Variants in TMED5 observed in about 807,000 individuals in gnomAD.
The protein encoded by TMED5 is transmembrane p24 trafficking protein 5, also known as transmembrane emp24 domain-containing protein 5.
TMED5 carries 27 observed loss-of-function variants against 23.0 expected under a neutral mutation model. The observed-to-expected ratio is 1.17, with a 90% CI of 0.86 to 1.62. The LOEUF (loss-of-function observed/expected upper bound fraction) is 1.62, where lower values mean the gene tolerates loss of function less well. Ranked by LOEUF, TMED5 falls within the 40% of genes most tolerant of loss-of-function variation. The pLI is 0.00. For synonymous variants in TMED5, 97 were observed against 100.8 expected, an observed-to-expected ratio of 0.96 and a Z score of 0.23; for missense variants, 248 against 273.7, an observed-to-expected ratio of 0.91 and a Z score of 0.66.
chr1:93,160,258 A>G, intron 1 of TMED5, 32 bp from the exon 2 acceptor site: 4 of 1,346,460 alleles, frequency 3.0e-6, no homozygotes, highest in Middle Eastern at 2.2e-4. Flanking sequence ...AAAAACATAT[A>G]TTACAAATTC....
At chr1:93,157,313 T>G (rs1247795086) in intron 2 of TMED5, among the ~76,000 whole-genome samples, 1 of 152,220 alleles carries the variant, frequency 6.6e-6, no homozygotes, top group African/African-American at 2.4e-5. Context: ...AGTTTATATT[T>G]TATTATTTAA....
chr1:93,160,192 T>C lies in TMED5; in HGVS notation c.224A>G (p.His75Arg). The C allele has an allele frequency of 1.2e-6, 2 of 1,612,950 alleles. No homozygotes were observed. Among genetic ancestry groups the C allele is most frequent in the South Asian group, 1.1e-5 (1 of 91,026 alleles). Reference sequence around the variant, plus strand: ...GGTTTTGCCTTCTGGAGAGGCAAGATGGAAATCAATATCTAATCCTGCTCC... The same window carrying C: ...GGTTTTGCCTTCTGGAGAGGCAAGACGGAAATCAATATCTAATCCTGCTCC... ...LDGAGLDIDF[H>R]LASPEGKTLV... is the part of the protein sequence containing the mutation. The change falls in exon 2 of 4, where the codon CAT becomes CGT. Residue 75 changes from histidine (H) to arginine (R), a missense_variant. Physicochemically the swap from His to Arg is conservative, Grantham distance 29. Transcript: ENST00000370282.
intron 1 of TMED5, among the ~76,000 whole-genome samples, chr1:93,167,111 T>C (rs1245095239): frequency 6.6e-6 from 1 of 152,188 alleles, no homozygotes; most frequent in Non-Finnish European, 1.5e-5. Flanking sequence ...TTATGTTACA[T>C]TGGTCTATGT....
rs1647980166 is a variant in TMED5, at chr1:93,154,345, T to TG, written c.*324dup. Reference sequence around the variant, plus strand: ...GAACCTGTTAAAAACAGACTGGTGTTGCAATTAGGCCCAATACTCATTTAT... The same window carrying TG: ...GAACCTGTTAAAAACAGACTGGTGTTGGCAATTAGGCCCAATACTCATTTAT... On this transcript the variant is annotated 3_prime_UTR_variant, in exon 4 of 4. Coordinates refer to ENST00000370282, the MANE Select transcript of TMED5 (RefSeq NM_016040.5). 1 of 224,316 alleles carries TG rather than the reference T, an allele frequency of 4.5e-6. No homozygotes were observed. The highest frequency in any genetic ancestry group is 5.6e-5 in the Admixed American group (1 of 17,962). 13.9% of individuals were successfully genotyped at this position (224,316 alleles called of 1,614,324 possible).
chr1:93,170,193 G>T (rs967726503), intron 1 of TMED5, among the ~76,000 whole-genome samples: 1 of 152,200 alleles, frequency 6.6e-6, no homozygotes, highest in African/African-American at 2.4e-5. Flanking sequence ...TCAGCCCGCC[G>T]CTGCACTGTG....
Position 93,150,953 on chromosome 1 carries a change from G to A in TMED5, c.*3717C>T, listed in dbSNP as rs561229498. ...TAAAACAGAAACAAAAACAACACAA[G>A]TACTAAAACGAGGGTTTTTGTTTGT... On this transcript the variant is annotated 3_prime_UTR_variant, in exon 4 of 4. Transcript: ENST00000370282. 6.6e-6 allele frequency: 1 copy of A among 152,252 alleles called. No individual in the cohort carries two copies. Among genetic ancestry groups the A allele is most frequent in the Admixed American group, 6.5e-5 (1 of 15,294 alleles). 9.4% of individuals were successfully genotyped at this position (152,252 alleles called of 1,614,324 possible).
At position 93,154,359 on chromosome 1, in the gene TMED5, A is replaced by G. The variant is rs1647980335; in HGVS notation, c.*311T>C. On this transcript the variant is annotated 3_prime_UTR_variant, in exon 4 of 4. Transcript: ENST00000370282. Reference sequence around the variant, plus strand: ...CAGACTGGTGTTGCAATTAGGCCCAATACTCATTTATTTAAATCACCTAAG... The same window carrying G: ...CAGACTGGTGTTGCAATTAGGCCCAGTACTCATTTATTTAAATCACCTAAG... 1 of 280,372 alleles carries G rather than the reference A, an allele frequency of 3.6e-6. No homozygotes were observed. 17.4% of individuals were successfully genotyped at this position (280,372 alleles called of 1,614,324 possible).
intron 3 of TMED5, among the ~76,000 whole-genome samples, chr1:93,155,473 G>C (rs868565579): frequency 6.6e-6 from 1 of 151,686 alleles, no homozygotes; most frequent in African/African-American, 2.4e-5. Context: ...CATAGCATCA[G>C]GAGTTTTACG....
intron 1 of TMED5, among the ~76,000 whole-genome samples, chr1:93,165,225 A>G (rs1648451665): frequency 6.6e-6 from 1 of 152,248 alleles, no homozygotes; most frequent in African/African-American, 2.4e-5. Flanking sequence ...TAAAGCTAGT[A>G]AATATTTTAA....
chr1:93,160,292 T>G, intron 1 of TMED5, 66 bp from the exon 2 acceptor site: 1 of 907,568 alleles, frequency 1.1e-6, no homozygotes, highest in Non-Finnish European at 1.8e-6. Context: ...TTATATACAG[T>G]AGATCATATG....
intron 2 of TMED5, 109 bp downstream of exon 2, chr1:93,160,020 G>T: frequency 3.2e-6 from 2 of 616,188 alleles, no homozygotes; most frequent in Non-Finnish European, 5.9e-6. Flanking sequence ...AAATCATATG[G>T]AATTATCTAA....
rs767000395 is a variant in TMED5, at chr1:93,171,947, A to C, written c.189+8107T>G. Among the ~76,000 whole-genome samples, 3 of 152,222 alleles carry C rather than the reference A, an allele frequency of 2.0e-5. No individual in the cohort carries two copies. In the South Asian group the frequency reaches 6.2e-4, roughly 31 times the overall value. ...AATTCATCACATCAACAGGCTAAGG[A>C]AGAAAACTCAGATGATCACAGCAAT... On this transcript the variant is annotated intron_variant, in intron 1 of 3. Transcript: ENST00000370282.
At chr1:93,171,903 T>C (rs531167661) in intron 1 of TMED5, among the ~76,000 whole-genome samples, 1 of 152,326 alleles carries the variant, frequency 6.6e-6, no homozygotes, top group South Asian at 2.1e-4. Flanking sequence ...TGGCTCAACA[T>C]TCATGAATTA....
At chr1:93,155,825 C>T (rs995407759) in intron 3 of TMED5, among the ~76,000 whole-genome samples, 12 of 152,056 alleles carry the variant, frequency 7.9e-5, no homozygotes, top group African/African-American at 2.7e-4. Context: ...TAGGTATTTA[C>T]CTATTACATA....
chr1:93,158,682 C>T (rs1054871328), intron 2 of TMED5: 1 of 152,280 alleles, frequency 6.6e-6, no homozygotes, highest in Non-Finnish European at 1.5e-5. Flanking sequence ...GCAATTCTGC[C>T]TCAGCCTCCC....
chr1:93,160,231 A>C lies in TMED5; in HGVS notation c.190-5T>G, dbSNP rs1348898354. On this transcript the variant is annotated splice_polypyrimidine_tract_variant and splice_region_variant and intron_variant, in intron 1 of 3. Transcript: ENST00000370282. ...TAATCCTGCTCCATCTAAAACCTGTAGAAAAGCATACATGAGAAAAACATA... is the reference window on the plus strand; with the variant it reads ...TAATCCTGCTCCATCTAAAACCTGTCGAAAAGCATACATGAGAAAAACATA... The C allele has an allele frequency of 7.8e-5, 123 of 1,571,808 alleles. No individual in the cohort carries two copies. Among genetic ancestry groups the C allele is most frequent in the Non-Finnish European group, 1.0e-4 (120 of 1,144,528 alleles).
intron 3 of TMED5, 64 bp downstream of exon 3, chr1:93,156,236 C>G (rs748683858): frequency 2.1e-6 from 3 of 1,436,530 alleles, no homozygotes; most frequent in Admixed American, 1.8e-5. Flanking sequence ...AGTTCAGTAA[C>G]TTATTACCAT....
At chr1:93,157,981 G>A (rs901572749) in intron 2 of TMED5, among the ~76,000 whole-genome samples, 3 of 151,974 alleles carry the variant, frequency 2.0e-5, no homozygotes, top group Admixed American at 6.6e-5. Flanking sequence ...AAAATTAGCC[G>A]GGCGTGGTGG....
At chr1:93,155,503 T>C (rs1213230740) in intron 3 of TMED5, among the ~76,000 whole-genome samples, 1 of 151,248 alleles carries the variant, frequency 6.6e-6, no homozygotes, top group South Asian at 2.1e-4. Flanking sequence ...TCTTTCTTAG[T>C]CCTCACACAA....
Sources: allele counts gnomAD v4.1 joint callset (sites outside exome capture counted in the v4.1 genomes callset), GRCh38; gene constraint gnomAD v4.1.1; transcripts MANE v1.5; gene names NCBI Gene and HGNC (gene_info 2026-07-23, HGNC 2026-07-21).